Variants in B3GLCT observed in about 807,000 individuals in gnomAD.
The protein encoded by B3GLCT is beta-1,3-glucosyltransferase.
B3GLCT carries 65 observed loss-of-function variants against 63.4 expected under a neutral mutation model. The observed-to-expected ratio is 1.03, with a 90% CI of 0.84 to 1.26. The LOEUF is 1.26. Among genes scored for constraint, B3GLCT ranks in the 50% most tolerant of loss-of-function variants. The probability of loss-of-function intolerance (pLI) is 0.00; values close to 1 mark genes in which losing one functional copy is unlikely to be tolerated. For synonymous variants in B3GLCT, 233 were observed against 219.2 expected (o/e 1.06, Z -0.55); for missense variants, 577 against 604.8 (o/e 0.95, Z 0.48).
chr13:31,301,953 C>CA (rs1266106247), intron 12 of B3GLCT, among the ~76,000 whole-genome samples: 1 of 152,212 alleles, frequency 6.6e-6, no homozygotes, highest in East Asian at 1.9e-4. Context: ...GGGTGAGTCC[C>CA]ATGGCTCTCC....
intron 1 of B3GLCT, among the ~76,000 whole-genome samples, chr13:31,210,450 G>C (rs1869198380): frequency 6.6e-6 from 1 of 152,122 alleles, no homozygotes. Context: ...GTACCCCTTT[G>C]GTTGGGGCCA....
At chr13:31,285,483 A>C (rs1873275745) in intron 11 of B3GLCT, among the ~76,000 whole-genome samples, 1 of 152,032 alleles carries the variant, frequency 6.6e-6, no homozygotes, top group Admixed American at 6.6e-5. Flanking sequence ...TTGTGTCAAA[A>C]AATGGAAGTG....
At chr13:31,255,809 A>T (rs933640484) in intron 6 of B3GLCT, among the ~76,000 whole-genome samples, 3 of 152,222 alleles carry the variant, frequency 2.0e-5, no homozygotes, top group Admixed American at 2.0e-4. Context: ...TGGATTAAAG[A>T]CTTAGATGTG....
intron 8 of B3GLCT, among the ~76,000 whole-genome samples, chr13:31,272,359 T>C (rs1345490847): frequency 2.0e-5 from 3 of 151,796 alleles, no homozygotes; most frequent in South Asian, 2.1e-4. Flanking sequence ...GGATTACAGG[T>C]GCCCGCCACC....
chr13:31,286,856 C>T, intron 12 of B3GLCT, 37 bp downstream of exon 12: 2 of 1,402,082 alleles, frequency 1.4e-6, no homozygotes, highest in Non-Finnish European at 2.0e-6. Context: ...GCTTTAAATT[C>T]TACATATATT....
chr13:31,280,923 A>G (rs960348154), intron 10 of B3GLCT, among the ~76,000 whole-genome samples: 5 of 152,204 alleles, frequency 3.3e-5, no homozygotes, highest in Non-Finnish European at 7.3e-5. Context: ...GAACTGTTAC[A>G]TAAGGTGATG....
intron 13 of B3GLCT, among the ~76,000 whole-genome samples, chr13:31,319,405 C>T (rs1254955482): frequency 6.6e-6 from 1 of 152,220 alleles, no homozygotes; most frequent in Non-Finnish European, 1.5e-5. Context: ...CTCCCAGCCT[C>T]CTAAACTACC....
intron 1 of B3GLCT, among the ~76,000 whole-genome samples, chr13:31,213,773 G>C (rs1486943968): frequency 6.6e-6 from 1 of 152,078 alleles, no homozygotes; most frequent in Non-Finnish European, 1.5e-5. Flanking sequence ...GGTGGATAAG[G>C]AGGGTGTGGA....
intron 1 of B3GLCT, among the ~76,000 whole-genome samples, chr13:31,207,674 T>C (rs1869030565): frequency 6.6e-6 from 1 of 152,230 alleles, no homozygotes; most frequent in African/African-American, 2.4e-5. Flanking sequence ...ATTCCAGTGT[T>C]TCCCATGACT....
chr13:31,298,085 G>T (rs753984864), intron 12 of B3GLCT, among the ~76,000 whole-genome samples: 1 of 152,166 alleles, frequency 6.6e-6, no homozygotes, highest in Non-Finnish European at 1.5e-5. Context: ...CAGGAGATTG[G>T]GGGGTGGGAC....
chr13:31,252,969 A>G (rs1002072185), intron 6 of B3GLCT, among the ~76,000 whole-genome samples: 13 of 152,224 alleles, frequency 8.5e-5, no homozygotes, highest in Admixed American at 3.3e-4. Flanking sequence ...GAAGTAAAAC[A>G]CTCCTCAGCA....
chr13:31,239,475 C>A (rs1034575731), intron 4 of B3GLCT, among the ~76,000 whole-genome samples: 1 of 152,022 alleles, frequency 6.6e-6, no homozygotes, highest in Non-Finnish European at 1.5e-5. Context: ...GTTCAGATGC[C>A]TATTATGTGC....
At chr13:31,261,261 T>C (rs1872018768) in intron 7 of B3GLCT, among the ~76,000 whole-genome samples, 179 bp downstream of exon 7, 1 of 152,202 alleles carries the variant, frequency 6.6e-6, no homozygotes, top group Non-Finnish European at 1.5e-5. Flanking sequence ...AGCGCTGTCA[T>C]TTACTAGACC....
At chr13:31,292,314 G>A (rs530962011) in intron 12 of B3GLCT, among the ~76,000 whole-genome samples, 1 of 152,242 alleles carries the variant, frequency 6.6e-6, no homozygotes, top group Non-Finnish European at 1.5e-5. Context: ...TCAGAATGAG[G>A]CTGGCCTTAT....
intron 2 of B3GLCT, among the ~76,000 whole-genome samples, chr13:31,221,991 C>T (rs1164689454): frequency 2.0e-5 from 3 of 151,856 alleles, no homozygotes; most frequent in Admixed American, 6.6e-5. Context: ...TACACAGAGT[C>T]GAGGTCAGGT....
At chr13:31,294,392 T>C (rs536342721) in intron 12 of B3GLCT, among the ~76,000 whole-genome samples, 1 of 152,246 alleles carries the variant, frequency 6.6e-6, no homozygotes, top group Non-Finnish European at 1.5e-5. Flanking sequence ...TTGGATAATA[T>C]CCTGAAGAGT....
At chr13:31,274,785 C>T (rs1334795491) in intron 9 of B3GLCT, among the ~76,000 whole-genome samples, 157 bp downstream of exon 9, 1 of 152,196 alleles carries the variant, frequency 6.6e-6, no homozygotes, top group African/African-American at 2.4e-5. Context: ...GTTTGGGCTT[C>T]TGCTGATTCT....
chr13:31,283,771 G>A (rs888418959), intron 10 of B3GLCT, among the ~76,000 whole-genome samples: 18 of 152,060 alleles, frequency 1.2e-4, no homozygotes, highest in African/African-American at 4.3e-4. Context: ...GGGAACAGGG[G>A]AAAGATACAT....
intron 12 of B3GLCT, among the ~76,000 whole-genome samples, chr13:31,308,202 G>T (rs1374840596): frequency 1.3e-4 from 6 of 47,622 alleles, no homozygotes; most frequent in African/African-American, 6.5e-5. Flanking sequence ...GGAGGGGGGA[G>T]GGATAGCATT....
Sources: gnomAD v4.1 joint callset for allele counts (sites outside exome capture counted in the v4.1 genomes callset) on GRCh38, gnomAD v4.1.1 for gene constraint, MANE v1.5 for transcripts, NCBI Gene and HGNC (gene_info 2026-07-23, HGNC 2026-07-21) for gene names.